Variants in DES observed in about 807,000 individuals in gnomAD.
DES encodes the protein desmin.
DES carries 34 observed loss-of-function variants against 55.1 expected under a neutral mutation model. The observed-to-expected ratio is 0.62, with a 90% CI of 0.47 to 0.82. The LOEUF (loss-of-function observed/expected upper bound fraction) is 0.82, where lower values mean the gene tolerates loss of function less well. DES is among the 40% of genes least tolerant of loss of function. The probability of loss-of-function intolerance (pLI) is 0.00; values close to 1 mark genes in which losing one functional copy is unlikely to be tolerated. For synonymous variants in DES, 259 were observed against 270.8 expected (o/e 0.96, Z 0.43); for missense variants, 596 against 645.9 (o/e 0.92, Z 0.84).
intron 7 of DES, among the ~76,000 whole-genome samples, chr2:219,424,268 T>C (rs997538080): frequency 6.6e-6 from 1 of 152,180 alleles, no homozygotes; most frequent in African/African-American, 2.4e-5. Flanking sequence ...TGGAGCAAGA[T>C]GTTGGATGCA....
chr2:219,422,348 G>A (rs192599111), intron 6 of DES, among the ~76,000 whole-genome samples: 1 of 152,158 alleles, frequency 6.6e-6, no homozygotes, highest in Admixed American at 6.5e-5. Flanking sequence ...GCACATGTTC[G>A]GAGGAAAAGA....
Position 219,420,255 on chromosome 2 carries a change from T to C in DES, c.644T>C (p.Val215Ala). The C allele has an allele frequency of 6.2e-7, 1 of 1,614,198 alleles. No homozygotes were observed. The highest frequency in any genetic ancestry group is 1.3e-5 in the African/African-American group (1 of 75,052). ...TTCTCGCTTGGCCTCTCCCAGGACGTGGATGCAGCTACTCTAGCTCGCATT... is the reference window on the plus strand; with the variant it reads ...TTCTCGCTTGGCCTCTCCCAGGACGCGGATGCAGCTACTCTAGCTCGCATT... ...ENNLAAFRAD[V>A]DAATLARIDL... is the part of the protein sequence containing the mutation. The change falls in exon 3 of 9, where the codon GTG becomes GCG. Residue 215 changes from valine (V) to alanine (A), a missense_variant. Physicochemically the swap from Val to Ala is moderately conservative, Grantham distance 64. Transcript: ENST00000373960. The surrounding 1 kb of genome is among the most constrained non-coding windows in gnomAD (Gnocchi z 6.0).
In DES at chr2:219,425,676, G is replaced by A. The variant is rs1954521948; in HGVS notation, c.1302G>A (p.Glu434=). The stretch of plus-strand genomic sequence containing the variant: ...ACCCTGTTACAGAAACCAGCCCTGA[G>A]CAAAGGGGTTCTGAGGTCCATACCA... ...SALNFRETSP[E]QRGSEVHTKK... The change falls in exon 8 of 9, where the codon GAG becomes GAA. Residue 434 remains glutamate, a synonymous_variant. Transcript: ENST00000373960. 2 of 1,582,674 alleles carry A rather than the reference G, an allele frequency of 1.3e-6. No homozygotes were observed. The highest frequency in any genetic ancestry group is 1.7e-4 in the Middle Eastern group (1 of 6,024).
chr2:219,423,691 G>A (rs982914745), intron 6 of DES, 86 bp from the exon 7 acceptor site: 6 of 1,340,482 alleles, frequency 4.5e-6, no homozygotes, highest in African/African-American at 2.9e-5. Flanking sequence ...CGCCCGCCTC[G>A]GCCTTTCAAA....
At position 219,426,240 on chromosome 2, in the gene DES, CCTGGCTCTTG is replaced by C; in HGVS notation, c.*251_*260del. 6.4e-6 allele frequency: 4 copies of C among 628,280 alleles called. No individual in the cohort carries two copies. The highest frequency in any genetic ancestry group is 1.2e-5 in the Non-Finnish European group (4 of 345,664). The allele number at this position is 628,280 out of a possible 1,614,324, so 38.9% of individuals were successfully genotyped here. A position where few individuals can be genotyped will look rare whatever the true frequency, so the allele number is the denominator to read the frequency against. On this transcript the variant is annotated 3_prime_UTR_variant, in exon 9 of 9. Transcript: ENST00000373960. The surrounding 1 kb of genome is among the most constrained non-coding windows in gnomAD (Gnocchi z 4.5). The stretch of plus-strand genomic sequence containing the variant: ...GCCTTGGCTGTTGGCAGTGAGTGAG[CCTGGCTCTTG>C]TGCTGGATGGAGCCCAGGCGGGAGC...
Position 219,420,352 on chromosome 2 carries a change from C to A in DES, c.735+6C>A, listed in dbSNP as rs1302528006. 6.2e-7 allele frequency: 1 copy of A among 1,613,722 alleles called. No homozygotes were observed. The highest frequency in any genetic ancestry group is 8.5e-7 in the Non-Finnish European group (1 of 1,179,852). On this transcript the variant is annotated splice_donor_region_variant and intron_variant, in intron 3 of 8. Coordinates refer to ENST00000373960, the MANE Select transcript of DES (RefSeq NM_001927.4). The surrounding 1 kb of genome is among the most constrained non-coding windows in gnomAD (Gnocchi z 6.0). ...TTAAGAAAGTGCATGAAGAGGTATACCTTGGCCCCTCTTCCTGGGGTCACT... is the reference window on the plus strand; with the variant it reads ...TTAAGAAAGTGCATGAAGAGGTATAACTTGGCCCCTCTTCCTGGGGTCACT...
Position 219,420,029 on chromosome 2 carries a change from GGCCAGTCGTTTCCACT to G in DES, c.579-60_579-45del. ...TGGACCCACCCCCTGGTCAGCCCCC[GGCCAGTCGTTTCCACT>G]GCCAGCTTTATCACCCGCAACTGTC... On this transcript the variant is annotated intron_variant, in intron 1 of 8. Coordinates refer to ENST00000373960, the MANE Select transcript of DES (RefSeq NM_001927.4). The surrounding 1 kb of genome is among the most constrained non-coding windows in gnomAD (Gnocchi z 6.0). The G allele has an allele frequency of 6.4e-7, 1 of 1,566,764 alleles. No individual in the cohort carries two copies. The highest frequency in any genetic ancestry group is 1.1e-5 in the South Asian group (1 of 90,024).
In DES at chr2:219,421,548, G is replaced by A; in HGVS notation, c.1232G>A (p.Gly411Glu). The A allele has an allele frequency of 6.2e-7, 1 of 1,613,922 alleles. No individual in the cohort carries two copies. Among genetic ancestry groups the A allele is most frequent in the Non-Finnish European group, 8.5e-7 (1 of 1,179,892 alleles). ...GCCACCTACCGGAAGCTGCTGGAGG[G>A]AGAGGAGAGCCGGTGAGGGGCCAGG... ...EIATYRKLLEGEESRINLPIQ... is the reference protein window; with the variant it reads ...EIATYRKLLEEEESRINLPIQ... The change falls in exon 6 of 9, where the codon GGA becomes GAA. Residue 411 changes from glycine to glutamate, a missense_variant. Coordinates refer to ENST00000373960, the MANE Select transcript of DES (RefSeq NM_001927.4).
chr2:219,423,914 C>A, intron 7 of DES, 94 bp downstream of exon 7: 2 of 1,397,710 alleles, frequency 1.4e-6, no homozygotes, highest in East Asian at 4.6e-5. Context: ...AGGATGGGAC[C>A]CTGGGGCTAG....
rs150370918 is a variant in DES, at chr2:219,420,551, C to T, written c.792C>T (p.Asp264=). 1.2e-3 allele frequency: 2,008 copies of T among 1,613,928 alleles called. 48 individuals are homozygous for T. The Admixed American group carries it at 0.028, about 23-fold the overall frequency. The part of the protein sequence containing the change: ...LQEQQVQVEM[D]MSKPDLTAAL... The stretch of plus-strand genomic sequence containing the variant: ...AACAGCAGGTCCAGGTGGAGATGGA[C>T]ATGTCTAAGCCAGACCTCACTGCCG... The change falls in exon 4 of 9, where the codon GAC becomes GAT. Residue 264 remains aspartate (D), a synonymous_variant. Transcript: ENST00000373960. The surrounding 1 kb of genome is among the most constrained non-coding windows in gnomAD (Gnocchi z 6.0).
At chr2:219,423,248 T>C (rs1954475633) in intron 6 of DES, among the ~76,000 whole-genome samples, 1 of 152,042 alleles carries the variant, frequency 6.6e-6, no homozygotes, top group African/African-American at 2.4e-5. Flanking sequence ...GTGCCAGCAG[T>C]TCACAGTTGA....
rs1954385799 is a variant in DES at position 219,419,100 on chromosome 2, G to C, written c.578+60G>C. ...GGGCAGGGCACAGGAGGCTAGGCCTGGGGTCTGGGGTCCCGCTGTCAGCAC... is the reference window on the plus strand; with the variant it reads ...GGGCAGGGCACAGGAGGCTAGGCCTCGGGTCTGGGGTCCCGCTGTCAGCAC... On this transcript the variant is annotated intron_variant, in intron 1 of 8. Transcript: ENST00000373960. The surrounding 1 kb of genome is among the most constrained non-coding windows in gnomAD (Gnocchi z 4.3). 1.3e-6 allele frequency: 2 copies of C among 1,534,764 alleles called. No individual in the cohort carries two copies. The highest frequency in any genetic ancestry group is 1.7e-6 in the Non-Finnish European group (2 of 1,146,344).
chr2:219,425,779 G>A, intron 8 of DES, 34 bp downstream of exon 8: 1 of 1,606,468 alleles, frequency 6.2e-7, no homozygotes, highest in Middle Eastern at 1.7e-4. Flanking sequence ...TACCCTTGGT[G>A]GGGGCTATGG....
At chr2:219,424,551 A>G (rs888711233) in intron 7 of DES, among the ~76,000 whole-genome samples, 4 of 152,248 alleles carry the variant, frequency 2.6e-5, no homozygotes, top group African/African-American at 9.6e-5. Flanking sequence ...CATTCATCAC[A>G]GGCTGGTTGC....
intron 7 of DES, 69 bp from the exon 8 acceptor site, chr2:219,425,594 G>T (rs1412332469): frequency 2.8e-6 from 4 of 1,408,124 alleles, no homozygotes; most frequent in African/African-American, 1.4e-5. Context: ...GCCCCAGATG[G>T]ACTCCCAGCC....
rs992146860 is a variant in DES, at chr2:219,418,446, T to C, written c.-17T>C. ...CGCCTCCTCCGTGCGCCCGCCAGCCTCGCCCGCGCCGTCACCATGAGCCAG... is the reference window on the plus strand; with the variant it reads ...CGCCTCCTCCGTGCGCCCGCCAGCCCCGCCCGCGCCGTCACCATGAGCCAG... On this transcript the variant is annotated 5_prime_UTR_variant, in exon 1 of 9. Transcript: ENST00000373960. The C allele has an allele frequency of 6.4e-7, 1 of 1,567,534 alleles. No individual in the cohort carries two copies. The highest frequency in any genetic ancestry group is 8.6e-7 in the Non-Finnish European group (1 of 1,167,978).
Position 219,418,454 on chromosome 2 carries a change from G to T in DES, c.-9G>T. ...CCGTGCGCCCGCCAGCCTCGCCCGC[G>T]CCGTCACCATGAGCCAGGCCTACTC... On this transcript the variant is annotated 5_prime_UTR_variant, in exon 1 of 9. Coordinates refer to ENST00000373960, the MANE Select transcript of DES (RefSeq NM_001927.4). 2 of 1,578,006 alleles carry T rather than the reference G, an allele frequency of 1.3e-6. No individual in the cohort carries two copies. Among genetic ancestry groups the T allele is most frequent in the Middle Eastern group, 4.3e-4 (2 of 4,672 alleles).
rs761354307 is a variant in DES at position 219,418,562 on chromosome 2, G to A, written c.100G>A (p.Val34Met). ...ACTCGGCTCCCCGCTGAGTTCGCCC[G>A]TGTTCCCGCGGGCGGGTTTCGGCTC... ...FPLGSPLSSP[V>M]FPRAGFGSKG... The change falls in exon 1 of 9, where the codon GTG becomes ATG. Residue 34 changes from valine to methionine, a missense_variant. By Grantham distance (21) the Val-to-Met change is conservative. Coordinates refer to ENST00000373960, the MANE Select transcript of DES (RefSeq NM_001927.4). 6.2e-7 allele frequency: 1 copy of A among 1,603,566 alleles called. No individual in the cohort carries two copies. The highest frequency in any genetic ancestry group is 8.5e-7 in the Non-Finnish European group (1 of 1,175,796).
In DES at chr2:219,418,690, C is replaced by T. The variant is rs780233346; in HGVS notation, c.228C>T (p.Thr76=). 8.9e-6 allele frequency: 14 copies of T among 1,571,444 alleles called. No individual in the cohort carries two copies. The South Asian group carries it at 1.4e-4, about 16-fold the overall frequency. The change falls in exon 1 of 9, where the codon ACC becomes ACT. Residue 76 remains threonine (T), a synonymous_variant. Transcript: ENST00000373960. ...LGSLRASRLG[T]TRTPSSYGAG... ...CGCTGCGGGCCAGCCGGCTGGGGAC[C>T]ACCCGCACGCCCTCCTCCTACGGCG...
Sources: allele counts gnomAD v4.1 joint callset (sites outside exome capture counted in the v4.1 genomes callset), GRCh38; gene constraint gnomAD v4.1.1; non-coding constraint Gnocchi (gnomAD v3.1); transcripts MANE v1.5; gene names NCBI Gene and HGNC (gene_info 2026-07-23, HGNC 2026-07-21).